Variants in UST observed in about 807,000 individuals in gnomAD.
UST encodes uronyl 2-sulfotransferase, also known as chondroitin sulfate 2-O-sulfotransferase.
In UST, 21 loss-of-function variants were observed where a neutral mutation model predicts 45.6. That is an observed-to-expected ratio of 0.46 (90% CI 0.33 to 0.66). The LOEUF (loss-of-function observed/expected upper bound fraction) is 0.66. UST is among the 30% of genes least tolerant of loss of function. The pLI, the probability that UST is intolerant of heterozygous loss-of-function variation, is 0.02. For synonymous variants in UST, 215 were observed against 200.6 expected, an observed-to-expected ratio of 1.07 and a Z score of -0.61; for missense variants, 463 against 512.4, an observed-to-expected ratio of 0.90 and a Z score of 0.93.
At chr6:149,036,399 G>C (rs1776240899) in intron 7 of UST, among the ~76,000 whole-genome samples, 1 of 152,154 alleles carries the variant, frequency 6.6e-6, no homozygotes, top group Non-Finnish European at 1.5e-5. Flanking sequence ...TCCAGAAATT[G>C]GTGGAGGCCT....
rs374079412 is a variant in UST, at chr6:148,812,884, C to A, written c.247+65207C>A. 2.1e-4 allele frequency among the ~76,000 whole-genome samples: 32 copies of A among 152,238 alleles called. No individual in the cohort carries two copies. The East Asian group carries it at 5.0e-3, about 24-fold the overall frequency. ...GGATCACTGACAGGTCGTCTTCGAG[C>A]CTGGATACTACACATTGCTATAAAC... On this transcript the variant is annotated intron_variant, in intron 1 of 7. Transcript: ENST00000367463.
At chr6:148,824,948 C>T (rs941670584) in intron 1 of UST, among the ~76,000 whole-genome samples, 1 of 146,246 alleles carries the variant, frequency 6.8e-6, no homozygotes, top group East Asian at 2.0e-4. Flanking sequence ...TTTGTTCTTG[C>T]GATAGTTTAC....
chr6:149,005,900 C>T (rs1218766266), intron 5 of UST, among the ~76,000 whole-genome samples: 1 of 152,068 alleles, frequency 6.6e-6, no homozygotes, highest in African/African-American at 2.4e-5. Flanking sequence ...ACAATCACAC[C>T]CAGGACAGCG....
chr6:148,898,122 T>C (rs948135220), intron 2 of UST, among the ~76,000 whole-genome samples: 12 of 152,198 alleles, frequency 7.9e-5, no homozygotes, highest in Non-Finnish European at 1.5e-5. Flanking sequence ...ATATCAGGTT[T>C]AGAGAAAGAG....
intron 1 of UST, among the ~76,000 whole-genome samples, chr6:148,782,812 C>T (rs768929052): frequency 6.6e-6 from 1 of 152,106 alleles, no homozygotes; most frequent in African/African-American, 2.4e-5. Context: ...CTACTCCTGG[C>T]GAAGACGCGG....
intron 7 of UST, among the ~76,000 whole-genome samples, chr6:149,025,597 A>T (rs927118552): frequency 6.6e-6 from 1 of 152,222 alleles, no homozygotes. Flanking sequence ...GGTAGAAGCA[A>T]CCTCACTGGT....
intron 7 of UST, 70 bp from the exon 8 acceptor site, chr6:149,073,763 G>C (rs1776850656): frequency 6.4e-7 from 1 of 1,552,198 alleles, no homozygotes; most frequent in Non-Finnish European, 8.7e-7. Flanking sequence ...CAGGTAATGT[G>C]GGTCCTCGCC....
At chr6:148,964,900 T>C (rs1780753470) in intron 5 of UST, among the ~76,000 whole-genome samples, 1 of 152,092 alleles carries the variant, frequency 6.6e-6, no homozygotes, top group Non-Finnish European at 1.5e-5. Context: ...TGGGGGGGTG[T>C]CTGTTAGAGG....
At chr6:148,889,915 C>T (rs1408754391) in intron 2 of UST, among the ~76,000 whole-genome samples, 1 of 151,716 alleles carries the variant, frequency 6.6e-6, no homozygotes, top group Non-Finnish European at 1.5e-5. Flanking sequence ...CCCCATATCT[C>T]CCCCAACCCC....
At chr6:148,805,243 T>G (rs1207653387) in intron 1 of UST, among the ~76,000 whole-genome samples, 2 of 152,238 alleles carry the variant, frequency 1.3e-5, no homozygotes, top group Non-Finnish European at 2.9e-5. Flanking sequence ...TTTGGTTGTT[T>G]ATGTAAATGT....
chr6:148,961,161 G>T (rs1437791799), intron 4 of UST, among the ~76,000 whole-genome samples: 5 of 152,224 alleles, frequency 3.3e-5, no homozygotes, highest in Non-Finnish European at 7.3e-5. Flanking sequence ...CAGTGGCAGA[G>T]TCCAAAGGAA....
intron 1 of UST, among the ~76,000 whole-genome samples, chr6:148,820,314 G>A (rs1010014151): frequency 7.8e-6 from 1 of 128,874 alleles, no homozygotes; most frequent in Non-Finnish European, 1.8e-5. Context: ...CTCAAGACAC[G>A]TGTGTGTGTG....
rs891889229 is a variant in UST at position 148,791,792 on chromosome 6, T to C, written c.247+44115T>C. Among the ~76,000 whole-genome samples, 5 of 152,228 alleles carry C rather than the reference T, an allele frequency of 3.3e-5. No homozygotes were observed. The East Asian group carries it at 9.6e-4, about 29-fold the overall frequency. ...ACACCAGGATCCTGGAGGTTAGCTT[T>C]CCTGTTTTCTTCTTGCCAGTCTTAT... On this transcript the variant is annotated intron_variant, in intron 1 of 7. Coordinates refer to ENST00000367463, the MANE Select transcript of UST (RefSeq NM_005715.3).
chr6:148,888,602 G>A (rs562492873), intron 2 of UST, among the ~76,000 whole-genome samples: 2 of 152,212 alleles, frequency 1.3e-5, no homozygotes, highest in Non-Finnish European at 2.9e-5. Flanking sequence ...GATTGAATGA[G>A]CTGATGTATG....
intron 1 of UST, among the ~76,000 whole-genome samples, chr6:148,868,756 G>A (rs1394204462): frequency 6.6e-6 from 1 of 152,132 alleles, no homozygotes; most frequent in African/African-American, 2.4e-5. Flanking sequence ...AAAATGTGCA[G>A]GAAGACTGTG....
In UST at chr6:148,747,608, C is replaced by G; in HGVS notation, c.178C>G (p.Leu60Val). The change falls in exon 1 of 8, where the codon CTG (leucine) becomes GTG (valine). Residue 60 changes from leucine to valine, a missense_variant. Leu to Val is a conservative substitution (Grantham distance 32). Around this residue, in one of 2 missense-constraint regions of UST, gnomAD observed 176 missense variants for 138.3 expected, o/e 1.27. Coordinates refer to ENST00000367463, the MANE Select transcript of UST (RefSeq NM_005715.3). Reference sequence around the variant, plus strand: ...CATGGCCACCCTGCTGGTCTTCTGCCTGGGCTCCCTCCTCTATCAGCTCAG... The same window carrying G: ...CATGGCCACCCTGCTGGTCTTCTGCGTGGGCTCCCTCCTCTATCAGCTCAG... ...FCMATLLVFC[L>V]GSLLYQLSGG... is the part of the protein sequence containing the mutation. The G allele has an allele frequency of 6.2e-7, 1 of 1,602,598 alleles. No individual in the cohort carries two copies. Among genetic ancestry groups the G allele is most frequent in the Non-Finnish European group, 8.5e-7 (1 of 1,175,796 alleles).
chr6:148,849,849 A>G (rs948583533), intron 1 of UST, among the ~76,000 whole-genome samples: 2 of 152,208 alleles, frequency 1.3e-5, no homozygotes, highest in Non-Finnish European at 2.9e-5. Flanking sequence ...GCCAAACCGT[A>G]TCAGATGCAG....
chr6:148,789,666 C>T (rs1398350167), intron 1 of UST, among the ~76,000 whole-genome samples: 1 of 152,002 alleles, frequency 6.6e-6, no homozygotes, highest in African/African-American at 2.4e-5. Context: ...TCTCCTGTCT[C>T]AGCCTCCCGT....
intron 2 of UST, among the ~76,000 whole-genome samples, chr6:148,910,343 T>C (rs1779448811): frequency 6.6e-6 from 1 of 152,158 alleles, no homozygotes; most frequent in South Asian, 2.1e-4. Context: ...TTTCTCCATG[T>C]TGGTCAGGCT....
Sources: allele counts gnomAD v4.1 joint callset (sites outside exome capture counted in the v4.1 genomes callset), GRCh38; gene constraint gnomAD v4.1.1; regional missense constraint gnomAD v4.1.1; transcripts MANE v1.5; gene names NCBI Gene and HGNC (gene_info 2026-07-23, HGNC 2026-07-21).